Variants in TMOD2 observed in about 807,000 individuals in gnomAD.
TMOD2 encodes tropomodulin 2.
A neutral mutation model predicts 39.9 loss-of-function variants in TMOD2; 22 were observed. That is an observed-to-expected ratio of 0.55 (90% confidence interval 0.39 to 0.79). The LOEUF (loss-of-function observed/expected upper bound fraction) is 0.79. Ranked by LOEUF, TMOD2 falls within the 30% of genes least tolerant of loss-of-function variation. The probability of loss-of-function intolerance (pLI) is 0.00; values close to 1 mark genes in which losing one functional copy is unlikely to be tolerated. For synonymous variants in TMOD2, 123 were observed against 146.1 expected (o/e 0.84, Z 1.14); for missense variants, 386 against 413.3 (o/e 0.93, Z 0.57).
At chr15:51,775,256 G>A (rs2055878865) in intron 4 of TMOD2, among the ~76,000 whole-genome samples, 1 of 152,232 alleles carries the variant, frequency 6.6e-6, no homozygotes, top group African/African-American at 2.4e-5. Flanking sequence ...GGGTGTCAGT[G>A]TGGTCACCAT....
chr15:51,760,614 G>A (rs1277227324), intron 1 of TMOD2, among the ~76,000 whole-genome samples: 1 of 152,162 alleles, frequency 6.6e-6, no homozygotes, highest in African/African-American at 2.4e-5. Flanking sequence ...AGACCAGCCT[G>A]GGCAACATGG....
intron 1 of TMOD2, among the ~76,000 whole-genome samples, chr15:51,753,318 T>TA (rs1388393315): frequency 6.6e-6 from 1 of 152,150 alleles, no homozygotes; most frequent in Non-Finnish European, 1.5e-5. Flanking sequence ...AATTTGTCCT[T>TA]ACAATGGAGA....
chr15:51,784,198 A>G (rs529648546), intron 7 of TMOD2: 1 of 152,364 alleles, frequency 6.6e-6, no homozygotes, highest in African/African-American at 2.4e-5. Context: ...CCATCAAGCT[A>G]TGCTAGATTT....
intron 7 of TMOD2, among the ~76,000 whole-genome samples, chr15:51,797,830 T>G (rs1431868481): frequency 6.6e-6 from 1 of 151,814 alleles, no homozygotes; most frequent in Non-Finnish European, 1.5e-5. Context: ...AACTGGGTTT[T>G]CTGGGATTAT....
chr15:51,757,501 C>T (rs2055750653), intron 1 of TMOD2, among the ~76,000 whole-genome samples: 9 of 151,806 alleles, frequency 5.9e-5, no homozygotes, highest in Admixed American at 4.6e-4. Flanking sequence ...CCAAGTCATG[C>T]TTCCATCAGC....
chr15:51,763,424 G>T (rs1163525275), intron 1 of TMOD2, among the ~76,000 whole-genome samples: 1 of 152,210 alleles, frequency 6.6e-6, no homozygotes, highest in Non-Finnish European at 1.5e-5. Flanking sequence ...TTCACACTCA[G>T]AGTCCAACAT....
intron 8 of TMOD2, among the ~76,000 whole-genome samples, chr15:51,803,400 C>T (rs1053131219): frequency 2.6e-5 from 4 of 152,034 alleles, no homozygotes; most frequent in Non-Finnish European, 4.4e-5. Context: ...AGGTTGGTCT[C>T]GAACTCCTGA....
At chr15:51,767,384 C>T (rs555681871) in intron 2 of TMOD2, among the ~76,000 whole-genome samples, 1 of 152,238 alleles carries the variant, frequency 6.6e-6, no homozygotes, top group African/African-American at 2.4e-5. Flanking sequence ...AATGTGAACT[C>T]TTTGATGAAC....
intron 8 of TMOD2, among the ~76,000 whole-genome samples, chr15:51,804,340 A>G (rs1595879861): frequency 2.0e-5 from 3 of 152,346 alleles, no homozygotes; most frequent in South Asian, 4.1e-4. Flanking sequence ...AAATAAAAAC[A>G]CACTTCAAAA....
intron 9 of TMOD2, 84 bp from the exon 10 acceptor site, chr15:51,808,336 C>G: frequency 9.3e-7 from 1 of 1,078,658 alleles, no homozygotes; most frequent in Non-Finnish European, 1.4e-6. Context: ...GTGAGATTGT[C>G]ATCTTATGTG....
chr15:51,779,411 C>T lies in TMOD2; in HGVS notation c.494-1633C>T, dbSNP rs184379513. On this transcript the variant is annotated intron_variant, in intron 5 of 9. Coordinates refer to ENST00000249700, the MANE Select transcript of TMOD2 (RefSeq NM_014548.4). ...TTTTTTTTTTTTTGAGACAGAGTCT[C>T]GCTCTGTTGCCCAGGCTGGAGTGCA... Among the ~76,000 whole-genome samples, 258 of 148,116 alleles carry T rather than the reference C, an allele frequency of 1.7e-3. 11 individuals are homozygous for T. The East Asian group carries it at 0.018, about 10-fold the overall frequency.
chr15:51,771,587 C>T (rs1156783690), intron 3 of TMOD2, among the ~76,000 whole-genome samples: 1 of 152,140 alleles, frequency 6.6e-6, no homozygotes, highest in Non-Finnish European at 1.5e-5. Context: ...ATTACTTGAG[C>T]CCAGAAGGTC....
At chr15:51,796,807 T>C (rs2056054272) in intron 7 of TMOD2, among the ~76,000 whole-genome samples, 1 of 152,100 alleles carries the variant, frequency 6.6e-6, no homozygotes, top group African/African-American at 2.4e-5. Context: ...TGAAGTGAGG[T>C]GAATGACATA....
chr15:51,793,999 C>T (rs945098449), intron 7 of TMOD2, among the ~76,000 whole-genome samples: 3 of 152,186 alleles, frequency 2.0e-5, no homozygotes, highest in African/African-American at 4.8e-5. Flanking sequence ...AATTGTTGAG[C>T]TTTCTTTGCA....
chr15:51,783,088 T>A (rs1184088108), intron 7 of TMOD2: 1 of 446,478 alleles, frequency 2.2e-6, no homozygotes, highest in African/African-American at 2.0e-5. Flanking sequence ...AACTGAATAT[T>A]TAGAGTTTGC....
At chr15:51,774,902 A>G (rs1470271319) in intron 4 of TMOD2, among the ~76,000 whole-genome samples, 2 of 152,048 alleles carry the variant, frequency 1.3e-5, no homozygotes, top group African/African-American at 4.8e-5. Flanking sequence ...AAAAACACCA[A>G]TTATTTGGAA....
intron 3 of TMOD2, among the ~76,000 whole-genome samples, chr15:51,771,806 A>C (rs1017753274): frequency 6.6e-6 from 1 of 152,188 alleles, no homozygotes; most frequent in African/African-American, 2.4e-5. Context: ...GTTATTGATT[A>C]GTTGATTTCT....
In TMOD2 at chr15:51,812,829, T is replaced by A. The variant is rs2056164986; in HGVS notation, c.*4375T>A. 1 of 152,216 alleles carries A rather than the reference T, an allele frequency of 6.6e-6. No homozygotes were observed. The highest frequency in any genetic ancestry group is 6.5e-5 in the Admixed American group (1 of 15,288). The allele number at this position is 152,216 out of a possible 1,614,324, so 9.4% of individuals were successfully genotyped here. ...GTTTTCATTTTAACGAGCAGAGAACTAAGAGGAAAGGTCCTAGCTCTGCCT... is the reference window on the plus strand; with the variant it reads ...GTTTTCATTTTAACGAGCAGAGAACAAAGAGGAAAGGTCCTAGCTCTGCCT... On this transcript the variant is annotated 3_prime_UTR_variant, in exon 10 of 10. Transcript: ENST00000249700.
intron 8 of TMOD2, among the ~76,000 whole-genome samples, chr15:51,798,686 C>T (rs1056501749): frequency 6.6e-6 from 1 of 152,180 alleles, no homozygotes; most frequent in Admixed American, 6.5e-5. Flanking sequence ...GTATCTCTTC[C>T]CTGTACTATC....
Sources: allele counts gnomAD v4.1 joint callset (sites outside exome capture counted in the v4.1 genomes callset), GRCh38; gene constraint gnomAD v4.1.1; transcripts MANE v1.5; gene names NCBI Gene and HGNC (gene_info 2026-07-23, HGNC 2026-07-21).